Variants in WWOX observed in about 807,000 individuals in gnomAD.
WWOX encodes the protein WW domain containing oxidoreductase.
Under a neutral mutation model 46.2 loss-of-function variants are expected in WWOX, and 69 were observed. That is an observed-to-expected ratio of 1.49 (90% confidence interval 1.23 to 1.82). WWOX has a LOEUF of 1.82. Ranked by LOEUF, WWOX falls within the 40% of genes most tolerant of loss-of-function variation. The pLI is 0.00. For synonymous variants in WWOX, 359 were observed against 202.6 expected (o/e 1.77, Z -6.56); for missense variants, 919 against 542.6 (o/e 1.69, Z -6.89).
chr16:78,426,875 G>A (rs1354148216), intron 7 of WWOX, among the ~76,000 whole-genome samples: 3 of 152,154 alleles, frequency 2.0e-5, no homozygotes, highest in Admixed American at 6.5e-5. Flanking sequence ...TGTTGGCCAG[G>A]ATGGTCTCGA....
intron 8 of WWOX, among the ~76,000 whole-genome samples, chr16:78,928,047 TATC>T (rs2045538707): frequency 6.6e-6 from 1 of 151,828 alleles, no homozygotes. Flanking sequence ...ACAAAAAAAA[TATC>T]ATACTCTCAG....
chr16:79,205,053 T>A (rs1380381056), intron 8 of WWOX: 2 of 152,220 alleles, frequency 1.3e-5, no homozygotes, highest in African/African-American at 2.4e-5. Context: ...GCATCATATT[T>A]GGGATGGCTG....
intron 8 of WWOX, among the ~76,000 whole-genome samples, chr16:79,082,001 G>T (rs1051198814): frequency 6.6e-6 from 1 of 152,152 alleles, no homozygotes; most frequent in African/African-American, 2.4e-5. Flanking sequence ...AAGACCACTC[G>T]TGAGAAATTC....
At chr16:78,720,574 A>G (rs373004272) in intron 8 of WWOX, among the ~76,000 whole-genome samples, 2 of 151,896 alleles carry the variant, frequency 1.3e-5, no homozygotes, top group South Asian at 4.1e-4. Flanking sequence ...AGACAGAGCC[A>G]GATGTTCAGG....
At chr16:79,120,503 C>T (rs1029777205) in intron 8 of WWOX, among the ~76,000 whole-genome samples, 1 of 152,136 alleles carries the variant, frequency 6.6e-6, no homozygotes, top group Non-Finnish European at 1.5e-5. Context: ...GCAAAGGACC[C>T]TGTGCTAGTT....
At chr16:79,143,243 A>G (rs2050123823) in intron 8 of WWOX, among the ~76,000 whole-genome samples, 1 of 152,164 alleles carries the variant, frequency 6.6e-6, no homozygotes, top group South Asian at 2.1e-4. Context: ...CTCCTGGATG[A>G]AGTCTTTCTC....
chr16:78,775,257 C>G (rs904002953), intron 8 of WWOX, among the ~76,000 whole-genome samples: 2 of 152,154 alleles, frequency 1.3e-5, no homozygotes, highest in Non-Finnish European at 2.9e-5. Flanking sequence ...TATCACAAAA[C>G]AAAAATATCT....
chr16:78,792,905 G>C (rs1449748726), intron 8 of WWOX, among the ~76,000 whole-genome samples: 2 of 152,100 alleles, frequency 1.3e-5, no homozygotes, highest in African/African-American at 4.8e-5. Context: ...GTGCTGTACA[G>C]ACAGAAGGAA....
intron 8 of WWOX, among the ~76,000 whole-genome samples, chr16:78,545,580 CCA>C (rs1372334598): frequency 6.6e-6 from 1 of 152,110 alleles, no homozygotes; most frequent in African/African-American, 2.4e-5. Context: ...AGTGGAGAGA[CCA>C]CAGTGATGCC....
At chr16:78,264,530 T>A (rs2079318983) in intron 5 of WWOX, 1 of 152,228 alleles carries the variant, frequency 6.6e-6, no homozygotes, top group Non-Finnish European at 1.5e-5. Flanking sequence ...TTGGAATGGA[T>A]ACAGTGCTAC....
chr16:78,725,889 G>T (rs1445085026), intron 8 of WWOX, among the ~76,000 whole-genome samples: 5 of 151,216 alleles, frequency 3.3e-5, no homozygotes, highest in African/African-American at 7.3e-5. Context: ...ATTCACATTG[G>T]GTCTCTCTGT....
At chr16:79,177,152 C>T (rs1020852321) in intron 8 of WWOX, among the ~76,000 whole-genome samples, 2 of 152,166 alleles carry the variant, frequency 1.3e-5, no homozygotes, top group African/African-American at 2.4e-5. Context: ...TCGCTGCCTC[C>T]GGTTCCCCTT....
chr16:78,808,106 C>G (rs2051090669), intron 8 of WWOX, among the ~76,000 whole-genome samples: 2 of 152,290 alleles, frequency 1.3e-5, no homozygotes, highest in East Asian at 3.9e-4. Context: ...GGGCCTAGGC[C>G]CAAGCAACCA....
At chr16:78,109,065 T>C (rs1202340949) in intron 2 of WWOX, among the ~76,000 whole-genome samples, 1 of 152,208 alleles carries the variant, frequency 6.6e-6, no homozygotes, top group Non-Finnish European at 1.5e-5. Flanking sequence ...TGTTTTCCTA[T>C]CGTTGCAGTG....
At chr16:78,952,314 T>A (rs1394693093) in intron 8 of WWOX, among the ~76,000 whole-genome samples, 1 of 152,186 alleles carries the variant, frequency 6.6e-6, no homozygotes, top group Non-Finnish European at 1.5e-5. Context: ...GTTTTCATAG[T>A]TCTGTGCATT....
chr16:78,655,298 A>G (rs2047055799), intron 8 of WWOX, among the ~76,000 whole-genome samples: 1 of 152,200 alleles, frequency 6.6e-6, no homozygotes, highest in South Asian at 2.1e-4. Context: ...TAGAGACAAC[A>G]GCTTACAAAA....
At chr16:79,018,559 G>C (rs912885972) in intron 8 of WWOX, among the ~76,000 whole-genome samples, 2 of 152,134 alleles carry the variant, frequency 1.3e-5, no homozygotes, top group Non-Finnish European at 2.9e-5. Context: ...GGAGTGGGCT[G>C]TCTGTATTGA....
chr16:78,724,007 G>A (rs558150634), intron 8 of WWOX, among the ~76,000 whole-genome samples: 6 of 152,170 alleles, frequency 3.9e-5, no homozygotes, highest in Non-Finnish European at 8.8e-5. Flanking sequence ...CTCAGCAGGA[G>A]CGGGAGAGGA....
chr16:79,185,247 C>T (rs963232027), intron 8 of WWOX, among the ~76,000 whole-genome samples: 2 of 152,104 alleles, frequency 1.3e-5, no homozygotes, highest in African/African-American at 4.8e-5. Flanking sequence ...GGTGAAGCCC[C>T]CTGAACCAGA....
Sources: allele counts gnomAD v4.1 joint callset (sites outside exome capture counted in the v4.1 genomes callset), GRCh38; gene constraint gnomAD v4.1.1; transcripts MANE v1.5; gene names NCBI Gene and HGNC (gene_info 2026-07-23, HGNC 2026-07-21).